The following CHLSN variants were observed in gnomAD, a reference collection of about 807,000 sequenced individuals.
The protein encoded by CHLSN is cholesin.
the CHLSN span, among the ~76,000 whole-genome samples, chr7:1,059,532 T>A: frequency 6.9e-6 from 1 of 144,094 alleles, no homozygotes; most frequent in African/African-American, 2.6e-5. Flanking sequence ...GAGGCGGGTC[T>A]TAGTGAGGTG....
chr7:1,074,296 C>T, the CHLSN span, among the ~76,000 whole-genome samples: 3 of 124,004 alleles, frequency 2.4e-5, no homozygotes, highest in African/African-American at 6.5e-5. Context: ...GCTGCCATCA[C>T]GCCTCCCGGC....
chr7:1,085,732 C>A, the CHLSN span, among the ~76,000 whole-genome samples: 9 of 150,830 alleles, frequency 6.0e-5, no homozygotes, highest in Middle Eastern at 3.2e-3. Flanking sequence ...TACTCAGGGG[C>A]CGGGGTGGGA....
At chr7:1,127,153 C>T in the CHLSN span, 7 of 1,377,088 alleles carry the variant, frequency 5.1e-6, no homozygotes, top group Non-Finnish European at 6.7e-6. Flanking sequence ...CTGTTCCAGG[C>T]TCTGCTCCAC....
At chr7:1,058,174 T>C in the CHLSN span, 46 of 740,208 alleles carry the variant, frequency 6.2e-5, no homozygotes, top group Non-Finnish European at 1.1e-4. Context: ...GACACGCCCC[T>C]GGACCGGGAC....
the CHLSN span, among the ~76,000 whole-genome samples, chr7:1,095,204 G>A: frequency 2.0e-5 from 3 of 152,188 alleles, no homozygotes; most frequent in East Asian, 5.8e-4. Context: ...AGGCCCCAGG[G>A]ACGAGACTTG....
chr7:1,035,765 G>A, the CHLSN span, among the ~76,000 whole-genome samples: 1 of 152,196 alleles, frequency 6.6e-6, no homozygotes, highest in African/African-American at 2.4e-5. Context: ...CCTGCCACAG[G>A]ATTCAGCAAA....
At chr7:1,137,133 C>T in the CHLSN span, among the ~76,000 whole-genome samples, 1 of 152,196 alleles carries the variant, frequency 6.6e-6, no homozygotes, top group Non-Finnish European at 1.5e-5. Context: ...CTCCTCGCAT[C>T]TCTGGGAACT....
chr7:1,000,330 C>T, the CHLSN span: 1 of 683,276 alleles, frequency 1.5e-6, no homozygotes, highest in Admixed American at 3.2e-5. Context: ...ACGTGCCTGC[C>T]CCGCCGTGCA....
the CHLSN span, among the ~76,000 whole-genome samples, chr7:1,096,468 C>T: frequency 6.6e-6 from 1 of 152,202 alleles, no homozygotes; most frequent in Admixed American, 6.5e-5. The surrounding 1 kb of genome is among the most constrained non-coding windows in gnomAD (Gnocchi z 4.6). Context: ...GGACAGAGAC[C>T]AGCAGGCCGG....
chr7:983,974 GC>G, the CHLSN span, among the ~76,000 whole-genome samples: 366 of 152,260 alleles, frequency 2.4e-3, 2 homozygotes, highest in African/African-American at 8.5e-3. Context: ...CCTGCCTCCG[GC>G]TGCCCCCAAC....
the CHLSN span, chr7:1,092,523 G>A: frequency 1.2e-6 from 2 of 1,608,212 alleles, no homozygotes; most frequent in Non-Finnish European, 1.7e-6. Context: ...TCGCGGTGGT[G>A]CTGGTCTTCT....
chr7:1,131,180 G>C, the CHLSN span, among the ~76,000 whole-genome samples: 1 of 112,144 alleles, frequency 8.9e-6, no homozygotes, highest in Non-Finnish European at 1.7e-5. Context: ...AAAAGAATGA[G>C]ACCTTGTGTT....
At chr7:1,064,850 C>T in the CHLSN span, among the ~76,000 whole-genome samples, 1 of 152,210 alleles carries the variant, frequency 6.6e-6, no homozygotes, top group Non-Finnish European at 1.5e-5. Context: ...CCAGCCCACC[C>T]CACACTCAGG....
the CHLSN span, among the ~76,000 whole-genome samples, chr7:1,128,556 C>T: frequency 2.0e-4 from 3 of 14,900 alleles, no homozygotes; most frequent in African/African-American, 1.3e-3. Context: ...CACCGTCACC[C>T]GGGCTGGAGT....
chr7:1,052,532 G>T, the CHLSN span, among the ~76,000 whole-genome samples: 1 of 152,296 alleles, frequency 6.6e-6, no homozygotes, highest in African/African-American at 2.4e-5. This position sits in a 1 kb window ranked among gnomAD's most constrained non-coding sequence, Gnocchi z 4.2. Context: ...GGCGGAAGAA[G>T]TGGGGGAGCC....
chr7:1,049,927 G>A, the CHLSN span, among the ~76,000 whole-genome samples: 2 of 152,146 alleles, frequency 1.3e-5, no homozygotes, highest in South Asian at 4.1e-4. Context: ...CACCAGCCAG[G>A]CCTGGCAGCA....
chr7:1,028,270 T>C, the CHLSN span: 228,177 of 1,084,820 alleles, frequency 0.21, 24,858 homozygotes, highest in African/African-American at 0.27. Flanking sequence ...CTGACCCGGC[T>C]GTCAGGTCCC....
the CHLSN span, chr7:997,548 ACCG>A: frequency 7.8e-7 from 1 of 1,285,330 alleles, no homozygotes; most frequent in African/African-American, 1.6e-5. Context: ...CCCGGCCCCC[ACCG>A]CCGGAGGAGC....
the CHLSN span, among the ~76,000 whole-genome samples, chr7:1,044,354 CGTCAAATGGCTG>C: frequency 6.6e-6 from 1 of 152,370 alleles, no homozygotes. Flanking sequence ...CGCACGAGTT[CGTCAAATGGCTG>C]GTCTCAGGTT....
Sources: gnomAD v4.1 joint callset for allele counts (sites outside exome capture counted in the v4.1 genomes callset) on GRCh38, gnomAD v4.1.1 for gene constraint, Gnocchi (gnomAD v3.1) non-coding constraint, MANE v1.5 for transcripts, NCBI Gene and HGNC (gene_info 2026-07-23, HGNC 2026-07-21) for gene names.